The following NFATC1 variants were observed in gnomAD, a reference collection of about 807,000 sequenced individuals.
The protein encoded by NFATC1 is nuclear factor of activated T-cells, cytoplasmic 1.
NFATC1 carries 22 observed loss-of-function variants against 76.0 expected under a neutral mutation model. The observed-to-expected ratio is 0.29, with a 90% CI of 0.21 to 0.41. The LOEUF is 0.41. Ranked by LOEUF, NFATC1 falls within the 10% of genes least tolerant of loss-of-function variation. The probability of loss-of-function intolerance (pLI) is 1.00; values close to 1 mark genes in which losing one functional copy is unlikely to be tolerated. For synonymous variants in NFATC1, 704 were observed against 613.1 expected (o/e 1.15, Z -2.19); for missense variants, 1,357 against 1,337.7 (o/e 1.01, Z -0.23).
intron 6 of NFATC1, among the ~76,000 whole-genome samples, chr18:79,458,971 C>T (rs528135803): frequency 1.3e-5 from 2 of 152,358 alleles, no homozygotes; most frequent in Admixed American, 1.3e-4. Context: ...AAACAGAAAG[C>T]CTGCCCTCAC....
intron 2 of NFATC1, among the ~76,000 whole-genome samples, chr18:79,423,384 G>C (rs2086168200): frequency 6.6e-6 from 1 of 152,246 alleles, no homozygotes; most frequent in African/African-American, 2.4e-5. Flanking sequence ...GACGGAGGCT[G>C]CCCATGCACC....
rs542028397 is a variant in NFATC1, at chr18:79,484,929, T to C, written c.2093-1319T>C. ...TCTCGAGCTGCAGGAAAACGCCGTCTCCATCGTTCGCAGCTGCTGGTGGAC... is the reference window on the plus strand; with the variant it reads ...TCTCGAGCTGCAGGAAAACGCCGTCCCCATCGTTCGCAGCTGCTGGTGGAC... On this transcript the variant is annotated intron_variant, in intron 8 of 9. Coordinates refer to ENST00000427363, the MANE Select transcript of NFATC1 (RefSeq NM_001278669.2). Among the ~76,000 whole-genome samples, 102 of 152,354 alleles carry C rather than the reference T, an allele frequency of 6.7e-4. 1 individual carries two copies. In the South Asian group the frequency reaches 0.014, roughly 21 times the overall value.
intron 1 of NFATC1, among the ~76,000 whole-genome samples, chr18:79,401,490 G>T (rs1246057426): frequency 2.0e-5 from 3 of 152,252 alleles, no homozygotes; most frequent in Non-Finnish European, 4.4e-5. Flanking sequence ...TTTGGGGTCA[G>T]TGGGAGCCAA....
Position 79,467,589 on chromosome 18 carries a change from C to T in NFATC1, c.2092+7C>T. On this transcript the variant is annotated splice_region_variant and intron_variant, in intron 8 of 9. Transcript: ENST00000427363. ...ACCTACCTTCCCGCCAACGGTAACG[C>T]CATCTTTCTAACCGTAAGCCGTGAA... The T allele has an allele frequency of 1.9e-6, 3 of 1,613,872 alleles. No homozygotes were observed. Among genetic ancestry groups the T allele is most frequent in the Non-Finnish European group, 2.5e-6 (3 of 1,179,934 alleles).
chr18:79,463,356 G>A (rs973431583), intron 7 of NFATC1, among the ~76,000 whole-genome samples: 14 of 141,860 alleles, frequency 9.9e-5, no homozygotes, highest in Non-Finnish European at 1.4e-4. Context: ...GAGCCAGTGA[G>A]TCAGGGTGCT....
chr18:79,486,562 G>T lies in NFATC1; in HGVS notation c.2407G>T (p.Val803Leu). Residue 803 changes from valine (V) to leucine (L), a missense_variant, in exon 9 of 10, where the codon GTG (valine) becomes TTG (leucine). By Grantham distance (32) the Val-to-Leu change is conservative (BLOSUM62 1). Around this residue, in one of 3 missense-constraint regions of NFATC1, gnomAD observed 424 missense variants for 395.4 expected, o/e 1.07. Transcript: ENST00000427363. Reference protein sequence around the residue: ...PAGEAPAVQDVPRPVATHPGS... With the variant: ...PAGEAPAVQDLPRPVATHPGS... ...CGGAGAGGCCCCCGCCGTCCAGGAC[G>T]TGCCCAGGCCAGTGGCCACGCACCC... The T allele has an allele frequency of 1.9e-6, 3 of 1,594,204 alleles. No homozygotes were observed. The highest frequency in any genetic ancestry group is 2.6e-6 in the Non-Finnish European group (3 of 1,175,290).
intron 4 of NFATC1, among the ~76,000 whole-genome samples, chr18:79,450,013 T>G (rs187648650): frequency 6.6e-6 from 1 of 152,320 alleles, no homozygotes; most frequent in Non-Finnish European, 1.5e-5. Context: ...TAATCCAAGT[T>G]TCCCGCAGAC....
At chr18:79,425,293 C>CCCTG (rs2086287528) in intron 2 of NFATC1, among the ~76,000 whole-genome samples, 1 of 124,610 alleles carries the variant, frequency 8.0e-6, no homozygotes, top group African/African-American at 2.7e-5. Context: ...GTCTTTCTTT[C>CCCTG]TTACTCTCTT....
At chr18:79,437,047 G>A (rs990190346) in intron 3 of NFATC1, among the ~76,000 whole-genome samples, 4 of 152,344 alleles carry the variant, frequency 2.6e-5, no homozygotes, top group African/African-American at 9.6e-5. Flanking sequence ...GTTTAGCCTG[G>A]AAGAGCGGGG....
chr18:79,445,220 T>C (rs11872455), intron 3 of NFATC1, among the ~76,000 whole-genome samples: 21,228 of 152,288 alleles, frequency 0.14, 2,178 homozygotes, highest in African/African-American at 0.28. Flanking sequence ...TCATCTGCTT[T>C]GGTGTGCCGT....
At position 79,451,660 on chromosome 18, in the gene NFATC1, T is replaced by C. The variant is rs1006488979; in HGVS notation, c.1763-16T>C. The C allele has an allele frequency of 6.4e-7, 1 of 1,574,692 alleles. No individual in the cohort carries two copies. The highest frequency in any genetic ancestry group is 1.2e-5 in the South Asian group (1 of 84,378). ...ACTCAGGACAGGCCCTCACTGCCCC[T>C]CTCCTTCTGATGCAGCCCAGCGCTC... is the stretch of plus-strand genomic sequence containing the variant. On this transcript the variant is annotated splice_polypyrimidine_tract_variant and intron_variant, in intron 5 of 9. Coordinates refer to ENST00000427363, the MANE Select transcript of NFATC1 (RefSeq NM_001278669.2).
intron 6 of NFATC1, among the ~76,000 whole-genome samples, chr18:79,458,212 A>G (rs954060329): frequency 1.5e-4 from 23 of 151,892 alleles, no homozygotes; most frequent in Non-Finnish European, 4.4e-5. Flanking sequence ...GCTGGGACAG[A>G]CTCCTGGGGG....
At chr18:79,510,257 G>C (rs1313816521) in intron 9 of NFATC1, among the ~76,000 whole-genome samples, 2 of 152,176 alleles carry the variant, frequency 1.3e-5, no homozygotes, top group Non-Finnish European at 2.9e-5. Flanking sequence ...GAAACTCAGG[G>C]ATGGGACGGA....
chr18:79,469,582 A>C, intron 8 of NFATC1: 1 of 985,280 alleles, frequency 1.0e-6, no homozygotes, highest in Non-Finnish European at 1.2e-6. Flanking sequence ...CCCTCTCAGC[A>C]TTGTGCCCAG....
At position 79,461,315 on chromosome 18, in the gene NFATC1, C is replaced by T; in HGVS notation, c.1908C>T (p.Gly636=). ...KVIFVEKAPD[G]HHVWEMEAKT... is the part of the protein sequence containing the mutation. ...TTTCCTGCTCCTTTCTTCCAGATGG[C>T]CACCATGTCTGGGAGATGGAAGCGA... Residue 636 remains glycine, a synonymous_variant, in exon 7 of 10, where the codon GGC becomes GGT. Transcript: ENST00000427363. The T allele has an allele frequency of 1.3e-6, 2 of 1,551,732 alleles. No individual in the cohort carries two copies. Among genetic ancestry groups the T allele is most frequent in the Non-Finnish European group, 1.7e-6 (2 of 1,158,222 alleles).
At position 79,486,423 on chromosome 18, in the gene NFATC1, C is replaced by T; in HGVS notation, c.2268C>T (p.Thr756=). 6.2e-7 allele frequency: 1 copy of T among 1,612,564 alleles called. No individual in the cohort carries two copies. The highest frequency in any genetic ancestry group is 1.1e-5 in the South Asian group (1 of 91,076). Reference sequence around the variant, plus strand: ...TCCCGCCCTGTCCGCAGAGAAGCACCCTGATGCCAGCGGCCCCTGGCGTGA... The same window carrying T: ...TCCCGCCCTGTCCGCAGAGAAGCACTCTGATGCCAGCGGCCCCTGGCGTGA... ...AGFPPCPQRS[T]LMPAAPGVSP... The change falls in exon 9 of 10, where the codon ACC becomes ACT. Residue 756 remains threonine, a synonymous_variant. Coordinates refer to ENST00000427363, the MANE Select transcript of NFATC1 (RefSeq NM_001278669.2).
chr18:79,457,198 C>A (rs904063752), intron 6 of NFATC1, among the ~76,000 whole-genome samples: 14 of 152,206 alleles, frequency 9.2e-5, no homozygotes, highest in African/African-American at 3.4e-4. Flanking sequence ...TCTCTGTTTG[C>A]TCCCAGAGAC....
intron 3 of NFATC1, among the ~76,000 whole-genome samples, chr18:79,441,517 C>G (rs553397581): frequency 1.9e-4 from 29 of 152,252 alleles, no homozygotes; most frequent in African/African-American, 6.5e-4. Context: ...GCCACCCTGC[C>G]AGCTCCTTGA....
intron 1 of NFATC1, among the ~76,000 whole-genome samples, chr18:79,401,723 G>A (rs1234969942): frequency 6.6e-6 from 1 of 152,248 alleles, no homozygotes; most frequent in Non-Finnish European, 1.5e-5. Context: ...GGCCACCAGG[G>A]TGGCCCCTCT....
Sources: gnomAD v4.1 joint callset for allele counts (sites outside exome capture counted in the v4.1 genomes callset) on GRCh38, gnomAD v4.1.1 for gene constraint, gnomAD v4.1.1 regional missense constraint, MANE v1.5 for transcripts, NCBI Gene and HGNC (gene_info 2026-07-23, HGNC 2026-07-21) for gene names.